Variants in WDR7 observed in about 807,000 individuals in gnomAD.
WDR7 encodes the protein WD repeat-containing protein 7.
In WDR7, 46 loss-of-function variants were observed where a neutral mutation model predicts 169.4. The ratio of observed to expected loss-of-function variants is 0.27; its 90% CI spans 0.21 to 0.35. WDR7 has a LOEUF of 0.35. Among genes scored for constraint, WDR7 ranks in the 10% least tolerant of loss-of-function variants. WDR7 has a pLI of 1.00. For synonymous variants in WDR7, 612 were observed against 666.8 expected, an observed-to-expected ratio of 0.92 and a Z score of 1.27; for missense variants, 1,534 against 1,859.3, an observed-to-expected ratio of 0.83 and a Z score of 3.22.
At chr18:56,857,935 G>C (rs1281569955) in intron 20 of WDR7, among the ~76,000 whole-genome samples, 2 of 151,952 alleles carry the variant, frequency 1.3e-5, no homozygotes, top group Non-Finnish European at 2.9e-5. Context: ...CCTACAGTTT[G>C]GTACATGACT....
chr18:56,744,175 C>CTT (rs2144869476), intron 14 of WDR7, among the ~76,000 whole-genome samples: 1 of 141,718 alleles, frequency 7.1e-6, no homozygotes, highest in Non-Finnish European at 1.5e-5. Flanking sequence ...GGAGGCGGAG[C>CTT]TTGCAGTGAG....
intron 26 of WDR7, among the ~76,000 whole-genome samples, chr18:57,008,383 CTA>C (rs2048094678): frequency 6.6e-6 from 1 of 152,170 alleles, no homozygotes; most frequent in Admixed American, 6.5e-5. Context: ...TCTCTATTGA[CTA>C]TGAATTAAGT....
chr18:56,794,237 C>T (rs1445692574), intron 19 of WDR7, among the ~76,000 whole-genome samples: 1 of 142,538 alleles, frequency 7.0e-6, no homozygotes, highest in Non-Finnish European at 1.5e-5. Context: ...CCACATTATT[C>T]CCAAAGCAGT....
At chr18:56,690,442 A>G (rs1304369849) in intron 7 of WDR7, among the ~76,000 whole-genome samples, 4 of 152,188 alleles carry the variant, frequency 2.6e-5, no homozygotes, top group Non-Finnish European at 5.9e-5. Flanking sequence ...AGTATTTTAG[A>G]ACATTGATGA....
chr18:56,777,546 C>T (rs1355766137), intron 17 of WDR7, among the ~76,000 whole-genome samples: 1 of 152,088 alleles, frequency 6.6e-6, no homozygotes, highest in African/African-American at 2.4e-5. Flanking sequence ...TAAGACCTAT[C>T]TAGGATTATT....
chr18:56,738,251 CT>C (rs1336263490), intron 14 of WDR7, among the ~76,000 whole-genome samples: 2 of 152,094 alleles, frequency 1.3e-5, no homozygotes, highest in African/African-American at 2.4e-5. Flanking sequence ...TTCTTATTAG[CT>C]TTGGTGATTA....
intron 26 of WDR7, among the ~76,000 whole-genome samples, chr18:57,015,168 C>T (rs1383199750): frequency 6.6e-6 from 1 of 152,196 alleles, no homozygotes; most frequent in Admixed American, 6.5e-5. Flanking sequence ...GCCCTGTCCA[C>T]ACACACAGCA....
intron 26 of WDR7, among the ~76,000 whole-genome samples, chr18:56,979,930 A>G (rs535210899): frequency 3.9e-5 from 6 of 152,216 alleles, no homozygotes; most frequent in Non-Finnish European, 7.3e-5. Flanking sequence ...CCTTCATGAT[A>G]TACTAAAAGT....
At chr18:56,944,358 G>A (rs1420783199) in intron 25 of WDR7, among the ~76,000 whole-genome samples, 1 of 151,896 alleles carries the variant, frequency 6.6e-6, no homozygotes, top group Non-Finnish European at 1.5e-5. Flanking sequence ...ACTTTAACGT[G>A]GTAATTTCTC....
At chr18:56,887,079 A>T (rs1032580593) in intron 21 of WDR7, among the ~76,000 whole-genome samples, 7 of 152,200 alleles carry the variant, frequency 4.6e-5, no homozygotes, top group Admixed American at 4.6e-4. Context: ...TGTTACTACT[A>T]TCACTAGAAA....
At chr18:56,916,891 C>G (rs928718284) in intron 21 of WDR7, among the ~76,000 whole-genome samples, 7 of 151,624 alleles carry the variant, frequency 4.6e-5, no homozygotes, top group African/African-American at 1.7e-4. Flanking sequence ...GTGAAACCCC[C>G]TCTCTACTAA....
intron 10 of WDR7, 33 bp from the exon 11 acceptor site, chr18:56,694,917 G>A (rs763534824): frequency 1.3e-6 from 2 of 1,574,296 alleles, no homozygotes; most frequent in Non-Finnish European, 1.7e-6. Flanking sequence ...ATGCACAAAT[G>A]TTTTTCTTTT....
intron 13 of WDR7, among the ~76,000 whole-genome samples, chr18:56,728,340 C>CT (rs1489932675): frequency 2.0e-5 from 3 of 152,166 alleles, no homozygotes; most frequent in African/African-American, 7.2e-5. Context: ...AGTTGGATCT[C>CT]TATTTTATAC....
intron 21 of WDR7, among the ~76,000 whole-genome samples, chr18:56,907,422 A>G (rs1599147323): frequency 6.6e-6 from 1 of 152,280 alleles, no homozygotes; most frequent in East Asian, 1.9e-4. Context: ...TTTTTGAGAC[A>G]GGAGCTTTGG....
At chr18:56,834,981 C>T (rs1055850117) in intron 20 of WDR7, among the ~76,000 whole-genome samples, 9 of 152,188 alleles carry the variant, frequency 5.9e-5, no homozygotes, top group African/African-American at 2.2e-4. Context: ...TAGTTAACTG[C>T]TGAGCAGGCC....
rs773886139 is a variant in WDR7, at chr18:56,991,223, C to T, written c.4164+28694C>T. Among the ~76,000 whole-genome samples, 13 of 150,068 alleles carry T rather than the reference C, an allele frequency of 8.7e-5. 1 individual carries two copies. The South Asian group carries it at 1.1e-3, about 12-fold the overall frequency. On this transcript the variant is annotated intron_variant, in intron 26 of 27. Transcript: ENST00000254442. ...GTGAAGTGGCACGATCGCGGCTCACCGCAAGCTCCGCCTCCTGGGTTCATG... is the reference window on the plus strand; with the variant it reads ...GTGAAGTGGCACGATCGCGGCTCACTGCAAGCTCCGCCTCCTGGGTTCATG...
At chr18:56,744,346 C>T (rs1167404713) in intron 14 of WDR7, among the ~76,000 whole-genome samples, 2 of 151,346 alleles carry the variant, frequency 1.3e-5, no homozygotes, top group African/African-American at 4.8e-5. Flanking sequence ...GAGAGCATTC[C>T]TAAAGCCTTC....
intron 17 of WDR7, among the ~76,000 whole-genome samples, chr18:56,778,581 C>A (rs74962228): frequency 0.014 from 2,073 of 152,134 alleles, 45 homozygotes; most frequent in African/African-American, 0.047. Flanking sequence ...TCTAATACTT[C>A]AGTTATTGTG....
At chr18:56,897,765 G>A (rs1449461327) in intron 21 of WDR7, among the ~76,000 whole-genome samples, 1 of 151,936 alleles carries the variant, frequency 6.6e-6, no homozygotes, top group African/African-American at 2.4e-5. Flanking sequence ...CAGTGACCAA[G>A]ATTATAAAAA....
Sources: allele counts gnomAD v4.1 joint callset (sites outside exome capture counted in the v4.1 genomes callset), GRCh38; gene constraint gnomAD v4.1.1; transcripts MANE v1.5; gene names NCBI Gene and HGNC (gene_info 2026-07-23, HGNC 2026-07-21).